PPFIBP2: variants seen among roughly 807,000 people sequenced by gnomAD.
The protein encoded by PPFIBP2 is PPFIB scaffold protein 2.
PPFIBP2 carries 118 observed loss-of-function variants against 118.3 expected under a neutral mutation model. The ratio of observed to expected loss-of-function variants is 1.00; its 90% confidence interval spans 0.86 to 1.16. PPFIBP2 has a LOEUF of 1.16. Among genes scored for constraint, PPFIBP2 ranks in the 50% most tolerant of loss-of-function variants. The pLI is 0.00. For missense variants in PPFIBP2, 1,195 were observed against 1,073.1 expected (o/e 1.11, Z -1.59); for synonymous variants, 414 against 397.4 (o/e 1.04, Z -0.50).
At chr11:7,663,656 T>G in the PPFIBP2 span, among the ~76,000 whole-genome samples, 1 of 152,258 alleles carries the variant, frequency 6.6e-6, no homozygotes, top group Non-Finnish European at 1.5e-5. Flanking sequence ...CAGGCCTCCT[T>G]GAGCTGTGGT....
chr11:7,656,779 A>T, downstream of PPFIBP2: 4 of 1,289,658 alleles, frequency 3.1e-6, no homozygotes, highest in Non-Finnish European at 3.0e-6. Context: ...CCTGCCCCCA[A>T]CTCTGATGAC....
At chr11:7,618,533 G>A (rs1263701252) in intron 6 of PPFIBP2, among the ~76,000 whole-genome samples, 2 of 152,170 alleles carry the variant, frequency 1.3e-5, no homozygotes, top group Non-Finnish European at 2.9e-5. Context: ...ACAAGGCTGA[G>A]CAGAAGAACC....
At chr11:7,551,906 G>A (rs968868292) in intron 2 of PPFIBP2, among the ~76,000 whole-genome samples, 27 of 152,166 alleles carry the variant, frequency 1.8e-4, no homozygotes, top group Admixed American at 6.5e-4. Context: ...TGAGAATCTG[G>A]GATGTGTGTG....
intron 6 of PPFIBP2, among the ~76,000 whole-genome samples, chr11:7,620,490 G>A (rs1184103090): frequency 6.6e-6 from 1 of 152,038 alleles, no homozygotes. Context: ...AGGATCACAG[G>A]CCCCCTCTTC....
downstream of PPFIBP2, among the ~76,000 whole-genome samples, chr11:7,654,348 A>C (rs11041504): frequency 0.54 from 81,854 of 152,074 alleles, 23,542 homozygotes; most frequent in Non-Finnish European, 0.65. Context: ...TCCTGGTCAG[A>C]AGACTCTAGT....
At chr11:7,593,397 A>G (rs1420840633) in intron 4 of PPFIBP2, among the ~76,000 whole-genome samples, 173 bp downstream of exon 4, 4 of 152,180 alleles carry the variant, frequency 2.6e-5, no homozygotes, top group African/African-American at 9.7e-5. Context: ...TGAGGGGACA[A>G]TTTAACTCTA....
intron 14 of PPFIBP2, among the ~76,000 whole-genome samples, chr11:7,636,728 T>C (rs1032462626): frequency 1.4e-4 from 22 of 152,176 alleles, no homozygotes; most frequent in Admixed American, 3.3e-4. Flanking sequence ...CGTAGAACTA[T>C]TTATAAAGAA....
At chr11:7,641,711 C>T in intron 16 of PPFIBP2, 91 bp downstream of exon 16, 1 of 1,262,924 alleles carries the variant, frequency 7.9e-7, no homozygotes, top group Admixed American at 2.1e-5. Context: ...GTCCAATAGA[C>T]ACTGAAACAG....
At chr11:7,552,928 C>T (rs921751071) in intron 2 of PPFIBP2, among the ~76,000 whole-genome samples, 1 of 152,144 alleles carries the variant, frequency 6.6e-6, no homozygotes, top group African/African-American at 2.4e-5. Flanking sequence ...TTCATATTTG[C>T]CTCTTTGTTT....
chr11:7,623,127 C>T (rs1033570667), intron 7 of PPFIBP2, among the ~76,000 whole-genome samples: 1 of 152,136 alleles, frequency 6.6e-6, no homozygotes, highest in African/African-American at 2.4e-5. Flanking sequence ...CATTCCCGTG[C>T]CTTCATGCTG....
intron 11 of PPFIBP2, chr11:7,631,263 TCTC>T (rs1590705393): frequency 1.3e-5 from 6 of 460,520 alleles, no homozygotes; most frequent in Non-Finnish European, 2.0e-5. Flanking sequence ...GGATAGGAGT[TCTC>T]CTTTTTAATC....
intron 1 of PPFIBP2, among the ~76,000 whole-genome samples, chr11:7,529,747 C>T (rs1256236026): frequency 6.6e-6 from 1 of 152,224 alleles, no homozygotes; most frequent in Non-Finnish European, 1.5e-5. Context: ...TGGGATGGCC[C>T]CTGAGCCTCA....
chr11:7,534,877 A>C (rs531812849), intron 1 of PPFIBP2, among the ~76,000 whole-genome samples: 1 of 152,354 alleles, frequency 6.6e-6, no homozygotes, highest in South Asian at 2.1e-4. Flanking sequence ...CCACCTGGCA[A>C]AATGAATTAC....
intron 2 of PPFIBP2, among the ~76,000 whole-genome samples, chr11:7,550,757 G>A (rs1328224879): frequency 1.3e-5 from 2 of 152,148 alleles, no homozygotes; most frequent in African/African-American, 4.8e-5. Flanking sequence ...CAGTGGACTG[G>A]GGAAGGCAGA....
chr11:7,611,972 T>C (rs1392931165), intron 6 of PPFIBP2, among the ~76,000 whole-genome samples: 2 of 152,258 alleles, frequency 1.3e-5, no homozygotes, highest in Non-Finnish European at 2.9e-5. Context: ...CACAATTGTA[T>C]GTGAACATAC....
At chr11:7,637,513 G>T (rs1039574063) in intron 14 of PPFIBP2, among the ~76,000 whole-genome samples, 22 of 152,334 alleles carry the variant, frequency 1.4e-4, no homozygotes, top group South Asian at 6.2e-4. Flanking sequence ...CTCTGTCTGA[G>T]TTGGTCTGAC....
chr11:7,612,056 A>G (rs1264612215), intron 6 of PPFIBP2, among the ~76,000 whole-genome samples: 1 of 152,250 alleles, frequency 6.6e-6, no homozygotes, highest in Non-Finnish European at 1.5e-5. Context: ...ACTCAAAGTC[A>G]CTTAAGAGAA....
At chr11:7,580,756 C>CCTACCACAT (rs1364723166) in intron 3 of PPFIBP2, among the ~76,000 whole-genome samples, 1 of 152,128 alleles carries the variant, frequency 6.6e-6, no homozygotes, top group African/African-American at 2.4e-5. Flanking sequence ...GATAATAGTA[C>CCTACCACAT]CTACCACATA....
At chr11:7,597,184 A>G (rs141965168) in intron 4 of PPFIBP2, 1 of 1,473,866 alleles carries the variant, frequency 6.8e-7, no homozygotes, top group Non-Finnish European at 9.0e-7. Context: ...CTTCCACACG[A>G]GGTTGCAGAA....
Sources: gnomAD v4.1 joint callset for allele counts (sites outside exome capture counted in the v4.1 genomes callset) on GRCh38, gnomAD v4.1.1 for gene constraint, MANE v1.5 for transcripts, NCBI Gene and HGNC (gene_info 2026-07-23, HGNC 2026-07-21) for gene names.